Variants in CLCN6 observed in about 807,000 individuals in gnomAD.
CLCN6 encodes the protein H(+)/Cl(-) exchange transporter 6.
A neutral mutation model predicts 109.8 loss-of-function variants in CLCN6; 70 were observed. The observed-to-expected ratio is 0.64, with a 90% CI of 0.53 to 0.78. CLCN6 has a LOEUF of 0.78. Ranked by LOEUF, CLCN6 falls within the 30% of genes least tolerant of loss-of-function variation. The probability of loss-of-function intolerance (pLI) is 0.00; values close to 1 mark genes in which losing one functional copy is unlikely to be tolerated. For missense variants in CLCN6, 984 were observed against 1,142.3 expected, an observed-to-expected ratio of 0.86 and a Z score of 2.00; for synonymous variants, 444 against 447.8, an observed-to-expected ratio of 0.99 and a Z score of 0.11.
chr1:11,840,093 C>T lies in CLCN6; in HGVS notation c.2530-50C>T, dbSNP rs199930121. ...GGCCGGCTCCTGTCACTCCTGTTCT[C>T]GCCAGCGGGTTTTACCCTGAAGGTG... On this transcript the variant is annotated intron_variant, in intron 22 of 22. Coordinates refer to ENST00000346436, the MANE Select transcript of CLCN6 (RefSeq NM_001286.5). 4.1e-5 allele frequency: 62 copies of T among 1,498,052 alleles called. No homozygotes were observed. In the East Asian group the frequency reaches 9.7e-4, roughly 23 times the overall value. The allele number at this position is 1,498,052 out of a possible 1,614,324, so 92.8% of individuals were successfully genotyped here.
intron 4 of CLCN6, among the ~76,000 whole-genome samples, chr1:11,817,857 A>G (rs934037381): frequency 6.6e-6 from 1 of 152,230 alleles, no homozygotes; most frequent in East Asian, 1.9e-4. Context: ...ATCCACAAGT[A>G]AAGGAACATC....
chr1:11,836,302 T>C (rs1395478000), intron 18 of CLCN6, 149 bp downstream of exon 18: 3 of 688,122 alleles, frequency 4.4e-6, no homozygotes, highest in Non-Finnish European at 7.3e-6. Context: ...ACAGGGAGAG[T>C]AGATTTGACA....
chr1:11,842,317 G>C lies in CLCN6; in HGVS notation c.*2094G>C, dbSNP rs1298700319. On this transcript the variant is annotated 3_prime_UTR_variant, in exon 23 of 23. Coordinates refer to ENST00000346436, the MANE Select transcript of CLCN6 (RefSeq NM_001286.5). ...TTCCCATCAGTTTAGCCCAGAGATA[G>C]ACAGTAGAATGCAAATACCTCCCTC... 6.5e-6 allele frequency: 1 copy of C among 152,698 alleles called. No individual in the cohort carries two copies. The highest frequency in any genetic ancestry group is 1.9e-4 in the East Asian group (1 of 5,208). 9.5% of individuals were successfully genotyped at this position (152,698 alleles called of 1,614,324 possible). A position where few individuals can be genotyped will look rare whatever the true frequency, so the allele number is the denominator to read the frequency against.
chr1:11,819,855 T>C (rs1644719472), intron 5 of CLCN6, among the ~76,000 whole-genome samples: 1 of 152,208 alleles, frequency 6.6e-6, no homozygotes, highest in African/African-American at 2.4e-5. Context: ...AACTCAGAAA[T>C]TCTTTGTAAA....
In CLCN6 at chr1:11,841,655, A is replaced by T. The variant is rs1045237428; in HGVS notation, c.*1432A>T. ...GGCCTCGGCACCTGGCCCTGGCAGC[A>T]CAGCTCTCAGGCCCAGCCCTGGGCG... is the stretch of plus-strand genomic sequence containing the variant. On this transcript the variant is annotated 3_prime_UTR_variant, in exon 23 of 23. Coordinates refer to ENST00000346436, the MANE Select transcript of CLCN6 (RefSeq NM_001286.5). The T allele has an allele frequency of 6.6e-6, 1 of 152,184 alleles. No homozygotes were observed. The highest frequency in any genetic ancestry group is 1.5e-5 in the Non-Finnish European group (1 of 68,046). The allele number at this position is 152,184 out of a possible 1,614,324, so 9.4% of individuals were successfully genotyped here. A position where few individuals can be genotyped will look rare whatever the true frequency, so the allele number is the denominator to read the frequency against.
In CLCN6 at chr1:11,834,638, C is replaced by T; in HGVS notation, c.1793+48C>T. 6.8e-7 allele frequency: 1 copy of T among 1,480,464 alleles called. No homozygotes were observed. The allele number at this position is 1,480,464 out of a possible 1,614,324, so 91.7% of individuals were successfully genotyped here. The stretch of plus-strand genomic sequence containing the variant: ...GTCCTAGTTTCAGAATGTATAAGCT[C>T]TGAGGCCTAAGGAATGTTGTTATTA... On this transcript the variant is annotated intron_variant, in intron 17 of 22. Transcript: ENST00000346436. This position sits in a 1 kb window ranked among gnomAD's most constrained non-coding sequence, Gnocchi z 4.5.
intron 19 of CLCN6, 75 bp downstream of exon 19, chr1:11,837,231 G>A (rs1644962026): frequency 1.9e-6 from 3 of 1,592,682 alleles, no homozygotes; most frequent in Middle Eastern, 1.7e-4. Flanking sequence ...CAGATGTTGT[G>A]AGGTGGCTCC....
intron 2 of CLCN6, among the ~76,000 whole-genome samples, chr1:11,812,986 T>G (rs941645633): frequency 2.0e-5 from 3 of 152,156 alleles, no homozygotes; most frequent in Non-Finnish European, 4.4e-5. Context: ...CCAACCGTTG[T>G]TTGTTCACTG....
At chr1:11,818,562 T>C (rs12564593) in intron 4 of CLCN6, among the ~76,000 whole-genome samples, 15,046 of 152,258 alleles carry the variant, frequency 0.099, 799 homozygotes, top group South Asian at 0.16. Context: ...TCCCAACTCT[T>C]GTCCATTGAT....
At chr1:11,827,381 G>A (rs1025228603) in intron 10 of CLCN6, among the ~76,000 whole-genome samples, 160 bp downstream of exon 10, 1 of 147,916 alleles carries the variant, frequency 6.8e-6, no homozygotes, top group African/African-American at 2.5e-5. Flanking sequence ...TGGACTTTCT[G>A]TACTTCTCAT....
rs751537921 is a variant in CLCN6 at position 11,819,553 on chromosome 1, A to G, written c.345A>G (p.Thr115=). 1.4e-5 allele frequency: 23 copies of G among 1,613,950 alleles called. No homozygotes were observed. The South Asian group carries it at 2.3e-4, about 16-fold the overall frequency. ...AACTCAAGTTCGGAGTGGTACAGACATGTATCCTTTTCACGGTTCCTGGTG... is the reference window on the plus strand; with the variant it reads ...AACTCAAGTTCGGAGTGGTACAGACGTGTATCCTTTTCACGGTTCCTGGTG... ...FTQLKFGVVQ[T]SVEECSQKGC... The change falls in exon 5 of 23, where the codon ACA becomes ACG. Residue 115 remains threonine, a splice_region_variant and synonymous_variant. Coordinates refer to ENST00000346436, the MANE Select transcript of CLCN6 (RefSeq NM_001286.5).
In CLCN6 at chr1:11,806,230, T is replaced by C. The variant is rs753804218; in HGVS notation, c.-33T>C. 2.4e-5 allele frequency: 34 copies of C among 1,411,192 alleles called. No individual in the cohort carries two copies. The highest frequency in any genetic ancestry group is 3.2e-5 in the Non-Finnish European group (34 of 1,078,914). The allele number at this position is 1,411,192 out of a possible 1,614,324, so 87.4% of individuals were successfully genotyped here. ...CAGATCCTGGCTGGGAGGGGGTTGGTAGAGGGGTCCAGAGTGGCAGTAAAG... is the reference window on the plus strand; with the variant it reads ...CAGATCCTGGCTGGGAGGGGGTTGGCAGAGGGGTCCAGAGTGGCAGTAAAG... On this transcript the variant is annotated 5_prime_UTR_variant, in exon 1 of 23. Coordinates refer to ENST00000346436, the MANE Select transcript of CLCN6 (RefSeq NM_001286.5).
intron 17 of CLCN6, 132 bp from the exon 18 acceptor site, chr1:11,835,835 G>A (rs936160283): frequency 1.1e-5 from 7 of 651,992 alleles, no homozygotes; most frequent in African/African-American, 1.8e-5. Flanking sequence ...GGGTTTGAGG[G>A]AGAGCTGGGG....
chr1:11,821,823 G>A (rs1644747622), intron 5 of CLCN6, among the ~76,000 whole-genome samples: 1 of 152,154 alleles, frequency 6.6e-6, no homozygotes, highest in African/African-American at 2.4e-5. Flanking sequence ...AAAAATTATG[G>A]TACATTCATA....
In CLCN6 at chr1:11,838,316, G is replaced by A; in HGVS notation, c.2296-19G>A. The A allele has an allele frequency of 6.2e-7, 1 of 1,611,412 alleles. No individual in the cohort carries two copies. The highest frequency in any genetic ancestry group is 8.5e-7 in the Non-Finnish European group (1 of 1,178,572). On this transcript the variant is annotated intron_variant, in intron 20 of 22. Coordinates refer to ENST00000346436, the MANE Select transcript of CLCN6 (RefSeq NM_001286.5). Reference sequence around the variant, plus strand: ...CCACTGCTGCCTGAGCACGGACAGTGTCTGGGTTGGAATTGCAGAGCGCCA... The same window carrying A: ...CCACTGCTGCCTGAGCACGGACAGTATCTGGGTTGGAATTGCAGAGCGCCA...
At chr1:11,806,971 C>T (rs1263353638) in intron 1 of CLCN6, 160 bp from the exon 2 acceptor site, 2 of 633,134 alleles carry the variant, frequency 3.2e-6, no homozygotes, top group East Asian at 5.5e-5. Context: ...TCCTCACCCA[C>T]ATGGTCCCTC....
chr1:11,838,287 C>G, intron 20 of CLCN6, 48 bp from the exon 21 acceptor site: 1 of 1,548,998 alleles, frequency 6.5e-7, no homozygotes, highest in Non-Finnish European at 8.9e-7. Context: ...GGTGACCCTG[C>G]TGGCCACTGC....
rs752966571 is a variant in CLCN6, at chr1:11,834,543, G to A, written c.1746G>A (p.Leu582=). Residue 582 remains leucine, a synonymous_variant, in exon 17 of 23, where the codon CTG becomes CTA. Transcript: ENST00000346436. This position sits in a 1 kb window ranked among gnomAD's most constrained non-coding sequence, Gnocchi z 4.5. ...GCATTTATGATATCCACGTGGGCCT[G>A]CGAGGCGTGCCGCTTCTGGAATGGG... is the stretch of plus-strand genomic sequence containing the variant. ...NKGIYDIHVG[L]RGVPLLEWET... The A allele has an allele frequency of 6.2e-6, 10 of 1,614,042 alleles. No homozygotes were observed. Among genetic ancestry groups the A allele is most frequent in the African/African-American group, 1.3e-5 (1 of 74,936 alleles).
rs72640273 is a variant in CLCN6 at position 11,842,652 on chromosome 1, T to A, written c.*2429T>A. The A allele has an allele frequency of 1.9e-3, 285 of 152,714 alleles. 1 individual carries two copies. The highest frequency in any genetic ancestry group is 1.1e-3 in the Non-Finnish European group (75 of 68,072). The allele number at this position is 152,714 out of a possible 1,614,324, so 9.5% of individuals were successfully genotyped here. A position where few individuals can be genotyped will look rare whatever the true frequency, so the allele number is the denominator to read the frequency against. ...GGTGTTTTGTGTTTCATCTCCAGCTTGGTGTTCCATGGCCCCTAGGCGAGG... is the reference window on the plus strand; with the variant it reads ...GGTGTTTTGTGTTTCATCTCCAGCTAGGTGTTCCATGGCCCCTAGGCGAGG... On this transcript the variant is annotated 3_prime_UTR_variant, in exon 23 of 23. Transcript: ENST00000346436.
Sources: allele counts gnomAD v4.1 joint callset (sites outside exome capture counted in the v4.1 genomes callset), GRCh38; gene constraint gnomAD v4.1.1; non-coding constraint Gnocchi (gnomAD v3.1); transcripts MANE v1.5; gene names NCBI Gene and HGNC (gene_info 2026-07-23, HGNC 2026-07-21).